Variants in IL1RAPL1 observed in about 807,000 individuals in gnomAD.
IL1RAPL1 encodes the protein interleukin-1 receptor accessory protein-like 1.
In IL1RAPL1, 3 loss-of-function variants were observed where a neutral mutation model predicts 48.4. The ratio of observed to expected loss-of-function variants is 0.06; its 90% CI spans 0.03 to 0.16. The LOEUF (loss-of-function observed/expected upper bound fraction) is 0.16, where lower values mean the gene tolerates loss of function less well. Ranked by LOEUF, IL1RAPL1 falls within the 10% of genes least tolerant of loss-of-function variation. The pLI is 1.00. For missense variants in IL1RAPL1, 349 were observed against 530.6 expected, an observed-to-expected ratio of 0.66 and a Z score of 3.36; for synonymous variants, 185 against 187.7, an observed-to-expected ratio of 0.99 and a Z score of 0.12.
At chrX:29,483,962 G>T (rs1935068457) in intron 5 of IL1RAPL1, among the ~76,000 whole-genome samples, 1 of 103,310 alleles carries the variant, frequency 9.7e-6, no homozygotes, top group Admixed American at 1.1e-4. Context: ...CAAAGTGATA[G>T]TACTGCAGGC....
At chrX:29,581,614 C>T (rs1230974255) in intron 5 of IL1RAPL1, among the ~76,000 whole-genome samples, 2 of 111,857 alleles carry the variant, frequency 1.8e-5, no homozygotes, top group Admixed American at 9.5e-5. Flanking sequence ...AGTGCATGTC[C>T]TTCCGAAATC....
intron 6 of IL1RAPL1, among the ~76,000 whole-genome samples, chrX:29,751,580 TA>T (rs1928463022): frequency 9.0e-6 from 1 of 111,211 alleles, no homozygotes; most frequent in African/African-American, 3.3e-5. Flanking sequence ...TGTTCTCAAA[TA>T]AAAATTAAGC....
chrX:29,113,835 G>A (rs1928621803), intron 2 of IL1RAPL1, among the ~76,000 whole-genome samples: 1 of 111,338 alleles, frequency 9.0e-6, no homozygotes, highest in African/African-American at 3.3e-5. Context: ...ATAATGATAA[G>A]TTTTTATTTC....
chrX:28,981,603 C>T (rs1265801965), intron 2 of IL1RAPL1, among the ~76,000 whole-genome samples: 2 of 112,015 alleles, frequency 1.8e-5, no homozygotes, highest in Non-Finnish European at 3.8e-5. Context: ...CACTTCTTAG[C>T]AAGATATCTG....
chrX:29,935,275 C>T (rs945796238), intron 8 of IL1RAPL1, among the ~76,000 whole-genome samples: 2 of 111,002 alleles, frequency 1.8e-5, no homozygotes, highest in Admixed American at 9.6e-5. Flanking sequence ...TACTATGAGA[C>T]GGTGTGAATA....
chrX:29,073,114 A>G (rs1348027499), intron 2 of IL1RAPL1, among the ~76,000 whole-genome samples: 1 of 111,753 alleles, frequency 8.9e-6, no homozygotes. Context: ...AAGTGGAGAT[A>G]TGTATCTCCC....
chrX:28,690,914 C>A lies in IL1RAPL1; in HGVS notation c.-24-98406C>A, dbSNP rs995819853. Among the ~76,000 whole-genome samples the A allele has an allele frequency of 2.7e-5, 3 of 111,453 alleles. No individual in the cohort carries two copies. In the Admixed American group the frequency reaches 2.9e-4, roughly 11 times the overall value. On this transcript the variant is annotated intron_variant, in intron 1 of 10. Coordinates refer to ENST00000378993, the MANE Select transcript of IL1RAPL1 (RefSeq NM_014271.4). ...TCACTTCTATTCACTTCTCTACATT[C>A]CACTGCTATCACCCTATTCCAAGCT...
Position 29,030,987 on chromosome X carries a change from T to C in IL1RAPL1, c.82+241562T>C, listed in dbSNP as rs139755445. Among the ~76,000 whole-genome samples, 75 of 111,866 alleles carry C rather than the reference T, an allele frequency of 6.7e-4. No individual in the cohort carries two copies. In the East Asian group the frequency reaches 0.015, roughly 22 times the overall value. On this transcript the variant is annotated intron_variant, in intron 2 of 10. Transcript: ENST00000378993. ...TAAATGAGAGTTTTTAAAATGTGTT[T>C]AAAGCTAGTAATGTATTTGACTTTG... is the stretch of plus-strand genomic sequence containing the variant.
chrX:29,593,257 T>G (rs1396243942), intron 5 of IL1RAPL1, among the ~76,000 whole-genome samples: 1 of 111,625 alleles, frequency 9.0e-6, no homozygotes, highest in East Asian at 2.8e-4. Context: ...TCATGACTCC[T>G]AAACTTTGTG....
chrX:29,412,382 A>C (rs1934156124), intron 5 of IL1RAPL1, among the ~76,000 whole-genome samples: 1 of 112,323 alleles, frequency 8.9e-6, no homozygotes, highest in African/African-American at 3.2e-5. Context: ...AGCAACTGAA[A>C]TTTGGCTAGA....
rs1225611118 is a variant in IL1RAPL1, at chrX:28,965,958, A to G, written c.82+176533A>G. On this transcript the variant is annotated intron_variant, in intron 2 of 10. Coordinates refer to ENST00000378993, the MANE Select transcript of IL1RAPL1 (RefSeq NM_014271.4). ...CCATATTAGGCATGTACTAAAAAAT[A>G]CTCACGAAGCCCTTTTAATTCTTTG... is the stretch of plus-strand genomic sequence containing the variant. 7.2e-5 allele frequency among the ~76,000 whole-genome samples: 4 copies of G among 55,815 alleles called. No individual in the cohort carries two copies. In the East Asian group the frequency reaches 2.1e-3, roughly 30 times the overall value. 48.5% of individuals were successfully genotyped at this position (55,815 alleles called of 115,157 possible).
chrX:29,025,987 AG>A (rs1314298317), intron 2 of IL1RAPL1, among the ~76,000 whole-genome samples: 1 of 111,862 alleles, frequency 8.9e-6, no homozygotes, highest in Non-Finnish European at 1.9e-5. Context: ...GCTCTACTAA[AG>A]GTGATAAATA....
intron 9 of IL1RAPL1, among the ~76,000 whole-genome samples, chrX:29,942,750 G>A (rs1933152189): frequency 9.1e-6 from 1 of 109,393 alleles, no homozygotes; most frequent in Non-Finnish European, 1.9e-5. Context: ...CTCCCGAGTA[G>A]CTGGGATTAC....
chrX:29,172,228 G>T (rs1201168958), intron 2 of IL1RAPL1, among the ~76,000 whole-genome samples: 1 of 111,652 alleles, frequency 9.0e-6, no homozygotes, highest in Admixed American at 9.6e-5. Context: ...GAATTTGTTC[G>T]TGAAAGCAAT....
intron 6 of IL1RAPL1, among the ~76,000 whole-genome samples, chrX:29,769,850 C>T (rs1319774297): frequency 2.7e-5 from 3 of 109,463 alleles, no homozygotes; most frequent in Non-Finnish European, 5.7e-5. Flanking sequence ...CTCCTGACCT[C>T]GTGATCCGCC....
intron 6 of IL1RAPL1, among the ~76,000 whole-genome samples, chrX:29,795,074 A>T (rs1414776764): frequency 8.9e-6 from 1 of 112,119 alleles, no homozygotes; most frequent in Admixed American, 9.4e-5. Context: ...TTTTAAAGTA[A>T]ATTAGCACAT....
chrX:29,322,904 C>G (rs1236622499), intron 3 of IL1RAPL1, among the ~76,000 whole-genome samples: 1 of 112,049 alleles, frequency 8.9e-6, no homozygotes, highest in Non-Finnish European at 1.9e-5. Context: ...TTTCCTCAAG[C>G]TCCCTATTCA....
intron 2 of IL1RAPL1, among the ~76,000 whole-genome samples, chrX:29,150,951 CA>C (rs1192798712): frequency 5.7e-5 from 6 of 104,656 alleles, no homozygotes; most frequent in African/African-American, 2.1e-4. Flanking sequence ...AAAAAAGAAA[CA>C]AAAGCACAAT....
chrX:29,523,595 A>G (rs1262130383), intron 5 of IL1RAPL1, among the ~76,000 whole-genome samples: 1 of 111,956 alleles, frequency 8.9e-6, no homozygotes, highest in African/African-American at 3.2e-5. Flanking sequence ...CACTGATTAT[A>G]TACACTTTTA....
Sources: allele counts gnomAD v4.1 joint callset (sites outside exome capture counted in the v4.1 genomes callset), GRCh38; gene constraint gnomAD v4.1.1; transcripts MANE v1.5; gene names NCBI Gene and HGNC (gene_info 2026-07-23, HGNC 2026-07-21).